The following NREP variants were observed in gnomAD, a reference collection of about 807,000 sequenced individuals.
The protein encoded by NREP is neuronal regeneration related protein, also known as neuronal regeneration-related protein.
In NREP, 5 loss-of-function variants were observed where a neutral mutation model predicts 8.6. The ratio of observed to expected loss-of-function variants is 0.58; its 90% CI spans 0.30 to 1.22. The LOEUF (loss-of-function observed/expected upper bound fraction) is 1.22, where lower values mean the gene tolerates loss of function less well. NREP is among the 50% of genes most tolerant of loss of function. NREP has a pLI of 0.07. For synonymous variants in NREP, 27 were observed against 28.0 expected (o/e 0.96, Z 0.11); for missense variants, 86 against 82.5 (o/e 1.04, Z -0.17).
At chr5:111,830,936 T>C (rs1159633150) in intron 2 of NREP, among the ~76,000 whole-genome samples, 1 of 152,196 alleles carries the variant, frequency 6.6e-6, no homozygotes, top group African/African-American at 2.4e-5. Flanking sequence ...ACAGCAGAAA[T>C]TGATGTGTTA....
At chr5:111,809,273 T>C (rs1229731322) in intron 2 of NREP, among the ~76,000 whole-genome samples, 1 of 152,224 alleles carries the variant, frequency 6.6e-6, no homozygotes, top group African/African-American at 2.4e-5. Flanking sequence ...GAGACTATGA[T>C]TCTACTTTCA....
intron 2 of NREP, among the ~76,000 whole-genome samples, chr5:111,851,954 A>G (rs1753320603): frequency 6.6e-6 from 1 of 152,148 alleles, no homozygotes; most frequent in Non-Finnish European, 1.5e-5. Context: ...GAATACTAGT[A>G]TGGTTTGAAT....
At chr5:111,871,098 A>G (rs1213534449) in intron 2 of NREP, among the ~76,000 whole-genome samples, 2 of 132,112 alleles carry the variant, frequency 1.5e-5, no homozygotes, top group Non-Finnish European at 3.1e-5. Flanking sequence ...GTAGTCATGC[A>G]TTGCTTAACA....
chr5:111,731,990 A>G (rs2112778284), intron 3 of NREP: 1 of 152,346 alleles, frequency 6.6e-6, no homozygotes, highest in African/African-American at 2.4e-5. Flanking sequence ...AACACAGTGA[A>G]GATTTGACGA....
At chr5:111,962,532 G>C (rs747199777) in intron 2 of NREP, among the ~76,000 whole-genome samples, 17 of 152,180 alleles carry the variant, frequency 1.1e-4, no homozygotes, top group Admixed American at 4.6e-4. Context: ...AGGAGGCAGA[G>C]AAATCCTAGG....
At chr5:111,949,558 C>T (rs548163970) in intron 2 of NREP, among the ~76,000 whole-genome samples, 1 of 151,960 alleles carries the variant, frequency 6.6e-6, no homozygotes, top group African/African-American at 2.4e-5. Flanking sequence ...TATACATGTG[C>T]CATGGTGGTT....
chr5:111,860,982 A>G (rs1400228317), intron 2 of NREP, among the ~76,000 whole-genome samples: 1 of 152,192 alleles, frequency 6.6e-6, no homozygotes, highest in African/African-American at 2.4e-5. Context: ...ACAAAGCTTT[A>G]GAAATGGCCA....
At position 111,732,270 on chromosome 5, in the gene NREP, A is replaced by C. The variant is rs186419353; in HGVS notation, c.82-1224T>G. 238 of 152,242 alleles carry C rather than the reference A, an allele frequency of 1.6e-3. 1 individual carries two copies. The highest frequency in any genetic ancestry group is 5.4e-3 in the African/African-American group (224 of 41,542). The allele number at this position is 152,242 out of a possible 1,614,324, so 9.4% of individuals were successfully genotyped here. A position where few individuals can be genotyped will look rare whatever the true frequency, so the allele number is the denominator to read the frequency against. On this transcript the variant is annotated intron_variant, in intron 3 of 3. Transcript: ENST00000257435. ...CTTCCAAACAACTTGAAATTGAATA[A>C]ATATTTTCAGCAACCCAGGGGTGAA...
chr5:111,742,488 C>G (rs1263714533), intron 2 of NREP, among the ~76,000 whole-genome samples: 2 of 152,058 alleles, frequency 1.3e-5, no homozygotes, highest in African/African-American at 4.8e-5. Flanking sequence ...CACAGTCACT[C>G]TGTTCCACAA....
intron 2 of NREP, among the ~76,000 whole-genome samples, chr5:111,787,909 G>C (rs1018897729): frequency 6.6e-6 from 1 of 152,060 alleles, no homozygotes; most frequent in Non-Finnish European, 1.5e-5. Context: ...ACCAGCCTAG[G>C]CAACATTGTG....
chr5:111,771,390 A>G (rs1348785732), intron 2 of NREP, among the ~76,000 whole-genome samples: 3 of 151,580 alleles, frequency 2.0e-5, no homozygotes, highest in Non-Finnish European at 4.4e-5. Context: ...CAGGATTTGA[A>G]AGCAGAACTG....
intron 2 of NREP, among the ~76,000 whole-genome samples, chr5:111,884,189 C>T (rs1312916402): frequency 1.3e-5 from 2 of 151,402 alleles, no homozygotes; most frequent in Admixed American, 6.6e-5. Flanking sequence ...GAGAATACTA[C>T]AAACACCTCT....
intron 2 of NREP, among the ~76,000 whole-genome samples, chr5:111,883,318 C>T (rs576506): frequency 0.99 from 150,128 of 152,246 alleles, 74,059 homozygotes; most frequent in East Asian, 1. Context: ...CCCAGATTCA[C>T]AAAGCAAGTC....
intron 2 of NREP, among the ~76,000 whole-genome samples, chr5:111,822,842 A>G (rs1190531391): frequency 6.6e-6 from 1 of 152,258 alleles, no homozygotes; most frequent in East Asian, 1.9e-4. Context: ...ATTAGTATGC[A>G]GAAAAGTATA....
rs370907737 is a variant in NREP, at chr5:111,881,284, A to G, written c.135+93990T>C. Among the ~76,000 whole-genome samples the G allele has an allele frequency of 1.4e-4, 22 of 152,276 alleles. No individual in the cohort carries two copies. The East Asian group carries it at 3.7e-3, about 25-fold the overall frequency. ...CAGCCAGGCTGGGGGAGGGGTGCCC[A>G]CCATTGCCCAGGCTTGCTTAGGTAA... On this transcript the variant is annotated intron_variant, in intron 2 of 3. Coordinates refer to the NREP transcript ENST00000395634.
At chr5:111,747,738 T>C (rs1389316791) in intron 2 of NREP, among the ~76,000 whole-genome samples, 3 of 152,242 alleles carry the variant, frequency 2.0e-5, no homozygotes, top group South Asian at 2.1e-4. Flanking sequence ...TCTTATGTTA[T>C]TTACTCCTTC....
intron 2 of NREP, among the ~76,000 whole-genome samples, chr5:111,965,891 TA>T (rs543065804): frequency 0.013 from 1,996 of 150,348 alleles, 22 homozygotes; most frequent in Middle Eastern, 0.024. Context: ...AGTTATTCTT[TA>T]AAAAAAAAAT....
chr5:111,816,500 T>C (rs1350871554), intron 2 of NREP, among the ~76,000 whole-genome samples: 5 of 152,110 alleles, frequency 3.3e-5, no homozygotes, highest in African/African-American at 1.2e-4. Flanking sequence ...ATCCTTTTAT[T>C]GTCTGAGAAG....
At chr5:111,756,498 T>C (rs1402863378) in intron 1 of NREP, among the ~76,000 whole-genome samples, 1 of 152,028 alleles carries the variant, frequency 6.6e-6, no homozygotes, top group Non-Finnish European at 1.5e-5. Flanking sequence ...AAACTAAAAG[T>C]TCTCAAAAAG....
Sources: gnomAD v4.1 joint callset for allele counts (sites outside exome capture counted in the v4.1 genomes callset) on GRCh38, gnomAD v4.1.1 for gene constraint, MANE v1.5 for transcripts, NCBI Gene and HGNC (gene_info 2026-07-23, HGNC 2026-07-21) for gene names.